SPEG: variants seen among roughly 807,000 people sequenced by gnomAD.
The protein encoded by SPEG is striated muscle enriched protein kinase.
A neutral mutation model predicts 300.4 loss-of-function variants in SPEG; 114 were observed. That is an observed-to-expected ratio of 0.38 (90% CI 0.33 to 0.44). SPEG has a LOEUF of 0.44. SPEG is among the 20% of genes least tolerant of loss of function. SPEG has a pLI of 1.00. For synonymous variants in SPEG, 1,964 were observed against 2,018.9 expected (o/e 0.97, Z 0.73); for missense variants, 4,201 against 4,586.2 (o/e 0.92, Z 2.43).
Position 219,477,026 on chromosome 2 carries a change from C to A in SPEG, c.4560+44C>A. The A allele has an allele frequency of 6.6e-7, 1 of 1,510,968 alleles. No homozygotes were observed. The highest frequency in any genetic ancestry group is 9.1e-7 in the Non-Finnish European group (1 of 1,104,478). 93.6% of individuals were successfully genotyped at this position (1,510,968 alleles called of 1,614,324 possible). A position where few individuals can be genotyped will look rare whatever the true frequency, so the allele number is the denominator to read the frequency against. On this transcript the variant is annotated intron_variant, in intron 19 of 40. Transcript: ENST00000312358. The surrounding 1 kb of genome is among the most constrained non-coding windows in gnomAD (Gnocchi z 6.4). ...CTGAGCCTGGGGGAGGGAGGAGGGG[C>A]TCCCTGGGGGCGTGGGAGGGTCCTG...
chr2:219,491,283 C>T (rs1294721793), intron 38 of SPEG, among the ~76,000 whole-genome samples: 1 of 152,166 alleles, frequency 6.6e-6, no homozygotes, highest in Non-Finnish European at 1.5e-5. Flanking sequence ...AACCAGCTAC[C>T]ATCGAGCACC....
rs1424882021 is a variant in SPEG at position 219,477,033 on chromosome 2, G to C, written c.4560+51G>C. ...TGGGGGAGGGAGGAGGGGCTCCCTG[G>C]GGGCGTGGGAGGGTCCTGGAAGGCC... On this transcript the variant is annotated intron_variant, in intron 19 of 40. Transcript: ENST00000312358. The surrounding 1 kb of genome is among the most constrained non-coding windows in gnomAD (Gnocchi z 6.4). 6.7e-7 allele frequency: 1 copy of C among 1,484,864 alleles called. No individual in the cohort carries two copies. The highest frequency in any genetic ancestry group is 1.4e-5 in the African/African-American group (1 of 72,444). 92.0% of individuals were successfully genotyped at this position (1,484,864 alleles called of 1,614,324 possible). A position where few individuals can be genotyped will look rare whatever the true frequency, so the allele number is the denominator to read the frequency against.
At position 219,444,916 on chromosome 2, in the gene SPEG, C is replaced by T. The variant is rs762453666; in HGVS notation, c.570C>T (p.Ser190=). ...TSEEQVSWWG[S]GQTVLEQEAG... ...AGGAGCAAGTGAGCTGGTGGGGCAG[C>T]GGGCAGACGGTCCTGGAGCAGGAAG... is the stretch of plus-strand genomic sequence containing the variant. Residue 190 remains serine (S), a synonymous_variant, in exon 3 of 41, where the codon AGC becomes AGT. Transcript: ENST00000312358. The surrounding 1 kb of genome is among the most constrained non-coding windows in gnomAD (Gnocchi z 7.8). 38 of 1,575,466 alleles carry T rather than the reference C, an allele frequency of 2.4e-5. No homozygotes were observed. The highest frequency in any genetic ancestry group is 5.4e-5 in the African/African-American group (4 of 74,230).
chr2:219,442,178 G>A, intron 1 of SPEG: 1 of 828,278 alleles, frequency 1.2e-6, no homozygotes, highest in Non-Finnish European at 1.6e-6. Context: ...CCCGGTGGAG[G>A]GGGCGCTGGA....
At chr2:219,466,499 C>T (rs1010217113) in intron 9 of SPEG, 23 of 1,116,812 alleles carry the variant, frequency 2.1e-5, no homozygotes, top group African/African-American at 3.2e-5. Context: ...GGAGAGATTA[C>T]GGCATGGCAT....
chr2:219,477,317 T>C lies in SPEG; in HGVS notation c.4601T>C (p.Val1534Ala), dbSNP rs923705216. The change falls in exon 20 of 41, where the codon GTG (valine) becomes GCG (alanine). Residue 1534 changes from valine (V) to alanine (A), a missense_variant. By Grantham distance (64) the Val-to-Ala change is moderately conservative. Around this residue, in one of 4 missense-constraint regions of SPEG, gnomAD observed 1,047 missense variants for 1,356.8 expected, o/e 0.77. Transcript: ENST00000312358. This position sits in a 1 kb window ranked among gnomAD's most constrained non-coding sequence, Gnocchi z 6.4. ...ACCGAGAGCAGCCATGTGAGCTTCG[T>C]GTACGAGGAGAATGAGTGCTCCCTG... ...LLTESSHVSF[V>A]YEENECSLVV... 2.5e-6 allele frequency: 4 copies of C among 1,613,122 alleles called. No individual in the cohort carries two copies. In the Admixed American group the frequency reaches 6.7e-5, roughly 27 times the overall value.
At chr2:219,482,412 A>G in intron 28 of SPEG, 1 of 223,772 alleles carries the variant, frequency 4.5e-6, no homozygotes, top group Non-Finnish European at 9.0e-6. Flanking sequence ...TGTTGGCCCT[A>G]CATGGAGACA....
chr2:219,485,039 G>C lies in SPEG; in HGVS notation c.7576G>C (p.Gly2526Arg), dbSNP rs1433263930. 12 of 1,532,376 alleles carry C rather than the reference G, an allele frequency of 7.8e-6. No individual in the cohort carries two copies. Among genetic ancestry groups the C allele is most frequent in the Non-Finnish European group, 1.0e-5 (12 of 1,145,956 alleles). The allele number at this position is 1,532,376 out of a possible 1,614,324, so 94.9% of individuals were successfully genotyped here. A position where few individuals can be genotyped will look rare whatever the true frequency, so the allele number is the denominator to read the frequency against. Reference sequence around the variant, plus strand: ...CACCACGCCTTCCGCCGAGTCCCTGGGCTCCGAGGCCAGCGCCACGTCGGG... The same window carrying C: ...CACCACGCCTTCCGCCGAGTCCCTGCGCTCCGAGGCCAGCGCCACGTCGGG... Reference protein sequence around the residue: ...GATTPSAESLGSEASATSGSS... With the variant: ...GATTPSAESLRSEASATSGSS... Residue 2526 changes from glycine to arginine, a missense_variant, in exon 30 of 41, where the codon GGC (glycine) becomes CGC (arginine). Transcript: ENST00000312358.
Position 219,489,088 on chromosome 2 carries a change from C to T in SPEG, c.8184C>T (p.Ile2728=). The T allele has an allele frequency of 1.2e-6, 2 of 1,613,960 alleles. No homozygotes were observed. Among genetic ancestry groups the T allele is most frequent in the African/African-American group, 2.7e-5 (2 of 75,000 alleles). The change falls in exon 35 of 41, where the codon ATC becomes ATT. Residue 2728 remains isoleucine (I), a synonymous_variant. Coordinates refer to ENST00000312358, the MANE Select transcript of SPEG (RefSeq NM_005876.5). Reference sequence around the variant, plus strand: ...TGTGGCACCCTGTGAGCTCAGGCATCCCCGACTGTTACTACAACGTGACCC... The same window carrying T: ...TGTGGCACCCTGTGAGCTCAGGCATTCCCGACTGTTACTACAACGTGACCC... ...ESVWHPVSSG[I]PDCYYNVTHL...
Position 219,492,337 on chromosome 2 carries a change from C to G in SPEG, c.9611+77C>G. The G allele has an allele frequency of 5.4e-6, 8 of 1,468,280 alleles. No homozygotes were observed. In the South Asian group the frequency reaches 9.9e-5, roughly 18 times the overall value. The allele number at this position is 1,468,280 out of a possible 1,614,324, so 91.0% of individuals were successfully genotyped here. On this transcript the variant is annotated intron_variant, in intron 40 of 40. Coordinates refer to ENST00000312358, the MANE Select transcript of SPEG (RefSeq NM_005876.5). ...GCCTGTGCCAGAGATCTCCCAGCTC[C>G]TCCCCTGCTCCTAGGAAGAAGTCTG... is the stretch of plus-strand genomic sequence containing the variant.
intron 4 of SPEG, 71 bp downstream of exon 4, chr2:219,449,342 C>A: frequency 8.3e-7 from 1 of 1,210,904 alleles, no homozygotes; most frequent in Non-Finnish European, 1.1e-6. Context: ...AGCAAGACTG[C>A]TCAGCAGGAG....
chr2:219,465,951 A>G (rs1352664432), intron 9 of SPEG: 40 of 867,362 alleles, frequency 4.6e-5, no homozygotes, highest in Non-Finnish European at 5.9e-5. Context: ...GTGTGCGTGC[A>G]TGTGTGCGTG....
In SPEG at chr2:219,480,595, C is replaced by A; in HGVS notation, c.5343-76C>A. On this transcript the variant is annotated intron_variant, in intron 25 of 40. Coordinates refer to ENST00000312358, the MANE Select transcript of SPEG (RefSeq NM_005876.5). The surrounding 1 kb of genome is among the most constrained non-coding windows in gnomAD (Gnocchi z 5.3). The stretch of plus-strand genomic sequence containing the variant: ...CAGGGAGGTAACAGCTCACTCAGGT[C>A]AGCAGTAGCAAAGAACTGCTCCCTT... 6.8e-7 allele frequency: 1 copy of A among 1,468,106 alleles called. No homozygotes were observed. The highest frequency in any genetic ancestry group is 1.1e-5 in the South Asian group (1 of 87,992). 90.9% of individuals were successfully genotyped at this position (1,468,106 alleles called of 1,614,324 possible).
rs1216957092 is a variant in SPEG at position 219,490,443 on chromosome 2, A to G, written c.8956A>G (p.Asn2986Asp). ...RFGVVRACRE[N>D]ATGRTFVAKI... ...TGGTGTTGTGCGAGCGTGCCGGGAG[A>G]ATGCCACGGGGCGAACGTTCGTGGC... Residue 2986 changes from asparagine (N) to aspartate (D), a missense_variant, in exon 37 of 41, where the codon AAT becomes GAT. Around this residue, in one of 4 missense-constraint regions of SPEG, gnomAD observed 318 missense variants for 429.5 expected, o/e 0.74. Coordinates refer to ENST00000312358, the MANE Select transcript of SPEG (RefSeq NM_005876.5). 2.5e-6 allele frequency: 4 copies of G among 1,612,796 alleles called. No homozygotes were observed. Among genetic ancestry groups the G allele is most frequent in the Non-Finnish European group, 3.4e-6 (4 of 1,179,844 alleles).
chr2:219,450,363 T>A (rs530757105), intron 4 of SPEG, among the ~76,000 whole-genome samples: 19 of 152,348 alleles, frequency 1.2e-4, no homozygotes, highest in Non-Finnish European at 2.5e-4. Flanking sequence ...GTTTTGTAGC[T>A]AGGAAACAGC....
At chr2:219,450,910 C>T (rs775220701) in intron 4 of SPEG, 7 of 475,118 alleles carry the variant, frequency 1.5e-5, no homozygotes, top group Non-Finnish European at 1.5e-5. Flanking sequence ...GCCACACTAA[C>T]ATGGAGTCAA....
chr2:219,469,443 GC>G lies in SPEG; in HGVS notation c.3715+68del, dbSNP rs1272694253. The G allele has an allele frequency of 9.2e-6, 12 of 1,307,660 alleles. No individual in the cohort carries two copies. In the East Asian group the frequency reaches 2.7e-4, roughly 29 times the overall value. The allele number at this position is 1,307,660 out of a possible 1,614,324, so 81.0% of individuals were successfully genotyped here. A position where few individuals can be genotyped will look rare whatever the true frequency, so the allele number is the denominator to read the frequency against. ...GCACCCACTTGGCTTGCAATGCCCT[GC>G]CCCTCTCCCCAGCTCTCCCCAGGCC... On this transcript the variant is annotated intron_variant, in intron 13 of 40. Coordinates refer to ENST00000312358, the MANE Select transcript of SPEG (RefSeq NM_005876.5).
At position 219,481,923 on chromosome 2, in the gene SPEG, G is replaced by A. The variant is rs3731907; in HGVS notation, c.5565+243G>A. On this transcript the variant is annotated intron_variant, in intron 28 of 40. Transcript: ENST00000312358. The surrounding 1 kb of genome is among the most constrained non-coding windows in gnomAD (Gnocchi z 5.4). ...ATACATACTGGACTCCAGGGCATACGTCTGGACCTCTCCATCCTGGGCGTC... is the reference window on the plus strand; with the variant it reads ...ATACATACTGGACTCCAGGGCATACATCTGGACCTCTCCATCCTGGGCGTC... 8.4e-6 allele frequency: 5 copies of A among 593,286 alleles called. No individual in the cohort carries two copies. The East Asian group carries it at 1.4e-4, about 17-fold the overall frequency. 36.8% of individuals were successfully genotyped at this position (593,286 alleles called of 1,614,324 possible).
rs74701457 is a variant in SPEG at position 219,492,511 on chromosome 2, G to A, written c.9612-83G>A. 727 of 1,448,398 alleles carry A rather than the reference G, an allele frequency of 5.0e-4. 11 individuals are homozygous for A. In the East Asian group the frequency reaches 0.013, roughly 26 times the overall value. The allele number at this position is 1,448,398 out of a possible 1,614,324, so 89.7% of individuals were successfully genotyped here. ...CATGTAGGGGTGGGATCCAGGACTG[G>A]GACATGGGTCTGCGGGAGGACAGAG... On this transcript the variant is annotated intron_variant, in intron 40 of 40. Transcript: ENST00000312358.
Sources: gnomAD v4.1 joint callset for allele counts (sites outside exome capture counted in the v4.1 genomes callset) on GRCh38, gnomAD v4.1.1 for gene constraint, gnomAD v4.1.1 regional missense constraint, Gnocchi (gnomAD v3.1) non-coding constraint, MANE v1.5 for transcripts, NCBI Gene and HGNC (gene_info 2026-07-23, HGNC 2026-07-21) for gene names.